CTTN: variants seen among roughly 807,000 people sequenced by gnomAD.
CTTN encodes cortactin, also known as src substrate cortactin.
Under a neutral mutation model 84.0 loss-of-function variants are expected in CTTN, and 28 were observed. The ratio of observed to expected loss-of-function variants is 0.33; its 90% CI spans 0.25 to 0.46. The LOEUF (loss-of-function observed/expected upper bound fraction) is 0.46, where lower values mean the gene tolerates loss of function less well. CTTN is among the 20% of genes least tolerant of loss of function. The probability of loss-of-function intolerance (pLI) is 1.00; values close to 1 mark genes in which losing one functional copy is unlikely to be tolerated. For synonymous variants in CTTN, 301 were observed against 288.8 expected (o/e 1.04, Z -0.43); for missense variants, 641 against 723.8 (o/e 0.89, Z 1.31).
Position 70,407,563 on chromosome 11 carries a change from C to T in CTTN, c.133C>T (p.Gln45Ter), listed in dbSNP as rs1219796316. The stretch of plus-strand genomic sequence containing the variant: ...GCAAAGATGGGGTGCCAAGACGGTG[C>T]AGGGCTCCGGGCACCAGGAGCATAT... ...KEQRWGAKTV[Q>*]GSGHQEHINI... Residue 45 changes from glutamine to a stop codon, truncating the protein, a stop_gained, in exon 4 of 18, where the codon CAG becomes TAG. Transcript: ENST00000301843. LOFTEE classifies it high-confidence loss of function. 1.2e-6 allele frequency: 2 copies of T among 1,613,720 alleles called. No homozygotes were observed. The highest frequency in any genetic ancestry group is 1.3e-5 in the African/African-American group (1 of 74,892).
Position 70,433,073 on chromosome 11 carries a change from G to C in CTTN, c.1267-28G>C, listed in dbSNP as rs750421431. On this transcript the variant is annotated intron_variant, in intron 15 of 17. Coordinates refer to ENST00000301843, the MANE Select transcript of CTTN (RefSeq NM_005231.4). ...CTCTCTAGAAGCCAGCATGGGCCCCGTGCCATGTGCGTGTGACCCTTCCCC... is the reference window on the plus strand; with the variant it reads ...CTCTCTAGAAGCCAGCATGGGCCCCCTGCCATGTGCGTGTGACCCTTCCCC... The C allele has an allele frequency of 9.3e-6, 15 of 1,607,658 alleles. No individual in the cohort carries two copies. The South Asian group carries it at 1.7e-4, about 18-fold the overall frequency.
chr11:70,403,432 C>T (rs2058009906), intron 1 of CTTN, among the ~76,000 whole-genome samples: 1 of 152,090 alleles, frequency 6.6e-6, no homozygotes, highest in Non-Finnish European at 1.5e-5. Flanking sequence ...AGTAATCCGC[C>T]CGCCTCGGCC....
intron 12 of CTTN, 144 bp downstream of exon 12, chr11:70,423,139 G>C (rs1195848606): frequency 3.2e-5 from 32 of 1,011,124 alleles, no homozygotes. Flanking sequence ...GGCGATGACT[G>C]ACTCGGACAG....
rs756681897 is a variant in CTTN, at chr11:70,435,545, C to T, written c.*383C>T. 8.3e-6 allele frequency: 13 copies of T among 1,570,610 alleles called. No individual in the cohort carries two copies. Among genetic ancestry groups the T allele is most frequent in the Admixed American group, 1.8e-5 (1 of 55,406 alleles). ...CAGTCGGGACCTCCCAGGACAAGCA[C>T]GAGGCCTCAGGTCGGCCCTGTGGCG... is the stretch of plus-strand genomic sequence containing the variant. On this transcript the variant is annotated 3_prime_UTR_variant, in exon 18 of 18. Transcript: ENST00000301843.
chr11:70,407,666 A>C, intron 4 of CTTN, 75 bp downstream of exon 4: 1 of 1,393,580 alleles, frequency 7.2e-7, no homozygotes. Context: ...GCCCATGGTC[A>C]TCTGTGGAGG....
intron 12 of CTTN, among the ~76,000 whole-genome samples, 189 bp downstream of exon 12, chr11:70,423,184 C>T (rs1292985030): frequency 6.6e-6 from 1 of 152,030 alleles, no homozygotes; most frequent in Non-Finnish European, 1.5e-5. Flanking sequence ...GTGGGATAGG[C>T]GCTGGCACCG....
chr11:70,434,864 G>A (rs1404036435), intron 17 of CTTN, among the ~76,000 whole-genome samples, 162 bp from the exon 18 acceptor site: 1 of 152,252 alleles, frequency 6.6e-6, no homozygotes, highest in Non-Finnish European at 1.5e-5. Flanking sequence ...TCCTGGCCTT[G>A]GTGGCATGGG....
At chr11:70,428,646 A>G (rs2058323712) in intron 13 of CTTN, among the ~76,000 whole-genome samples, 2 of 152,214 alleles carry the variant, frequency 1.3e-5, no homozygotes, top group South Asian at 4.1e-4. Flanking sequence ...ACAATATAAA[A>G]AAATGTATAC....
rs560467669 is a variant in CTTN, at chr11:70,400,847, T to TCACG, written c.-98+2237_-98+2240dup. 8.5e-5 allele frequency among the ~76,000 whole-genome samples: 13 copies of TCACG among 152,324 alleles called. No homozygotes were observed. The South Asian group carries it at 2.7e-3, about 32-fold the overall frequency. ...TGTGGCCCAGGCCCACCCCATCTGCTCACGCACTGCTTTGAGTAAACGGAG... is the reference window on the plus strand; with the variant it reads ...TGTGGCCCAGGCCCACCCCATCTGCTCACGCACGCACTGCTTTGAGTAAACGGAG... On this transcript the variant is annotated intron_variant, in intron 1 of 17. Transcript: ENST00000301843.
At chr11:70,413,905 G>A (rs139081917) in intron 5 of CTTN, among the ~76,000 whole-genome samples, 2 of 152,254 alleles carry the variant, frequency 1.3e-5, no homozygotes, top group Admixed American at 6.5e-5. Context: ...CCACACCAGC[G>A]GGTCTCACGG....
chr11:70,436,449 T>C lies in CTTN; in HGVS notation c.*1287T>C. On this transcript the variant is annotated 3_prime_UTR_variant, in exon 18 of 18. Transcript: ENST00000301843. ...CTGAGGTGCATTTTCTCATCATCCT[T>C]GCTTTACCACAATGAGCAATGAGGT... is the stretch of plus-strand genomic sequence containing the variant. 6.3e-7 allele frequency: 1 copy of C among 1,578,034 alleles called. No individual in the cohort carries two copies. Among genetic ancestry groups the C allele is most frequent in the Non-Finnish European group, 8.6e-7 (1 of 1,162,966 alleles).
At chr11:70,423,509 C>T (rs933511945) in intron 12 of CTTN, among the ~76,000 whole-genome samples, 1 of 152,226 alleles carries the variant, frequency 6.6e-6, no homozygotes. Context: ...CCTTGCCTCG[C>T]AGCTGACCAC....
chr11:70,400,520 T>G (rs1210204942), intron 1 of CTTN, among the ~76,000 whole-genome samples: 1 of 152,128 alleles, frequency 6.6e-6, no homozygotes, highest in Non-Finnish European at 1.5e-5. Flanking sequence ...AACCTTGAAC[T>G]GCTGGCCTTA....
chr11:70,415,425 AG>A (rs749589038), intron 6 of CTTN, among the ~76,000 whole-genome samples: 13 of 152,198 alleles, frequency 8.5e-5, no homozygotes, highest in Non-Finnish European at 1.6e-4. Flanking sequence ...TGGGGAGGGC[AG>A]GTCACCAGGG....
Position 70,429,065 on chromosome 11 carries a change from A to G in CTTN, c.1042A>G (p.Ser348Gly). ...TTCCTCTATAGTGACCAGCAAAACA[A>G]GTAACATCAGAGCTAACTTTGAAAA... The part of the protein sequence containing the change: ...VPVEAVTSKT[S>G]NIRANFENLA... Residue 348 changes from serine (S) to glycine (G), a missense_variant, in exon 14 of 18, where the codon AGT becomes GGT. Coordinates refer to ENST00000301843, the MANE Select transcript of CTTN (RefSeq NM_005231.4). The G allele has an allele frequency of 6.2e-7, 1 of 1,614,252 alleles. No homozygotes were observed. Among genetic ancestry groups the G allele is most frequent in the Non-Finnish European group, 8.5e-7 (1 of 1,180,054 alleles).
intron 14 of CTTN, 110 bp downstream of exon 14, chr11:70,429,309 T>C (rs560242306): frequency 1.6e-6 from 2 of 1,262,268 alleles, no homozygotes; most frequent in Non-Finnish European, 2.2e-6. Flanking sequence ...AGGTTTTCCT[T>C]GGAAGGCATG....
intron 9 of CTTN, 105 bp downstream of exon 9, chr11:70,419,961 A>C (rs1428341403): frequency 2.5e-6 from 2 of 811,804 alleles, no homozygotes; most frequent in Non-Finnish European, 4.0e-6. Flanking sequence ...CCCTTAACGT[A>C]GATGTCTCTT....
chr11:70,401,532 C>T (rs889095078), intron 1 of CTTN, among the ~76,000 whole-genome samples: 1 of 151,926 alleles, frequency 6.6e-6, no homozygotes, highest in Admixed American at 6.6e-5. Context: ...CCTGTAGTCC[C>T]AGCTACTCAG....
intron 5 of CTTN, among the ~76,000 whole-genome samples, chr11:70,412,937 A>G (rs1364972086): frequency 2.0e-5 from 3 of 152,222 alleles, no homozygotes; most frequent in Admixed American, 2.0e-4. Context: ...CTTCTGATGA[A>G]AACTCATGCT....
Sources: allele counts gnomAD v4.1 joint callset (sites outside exome capture counted in the v4.1 genomes callset), GRCh38; gene constraint gnomAD v4.1.1; transcripts MANE v1.5; gene names NCBI Gene and HGNC (gene_info 2026-07-23, HGNC 2026-07-21).